Variants in ZNF254 observed in about 807,000 individuals in gnomAD.
ZNF254 encodes zinc finger protein 254.
A neutral mutation model predicts 12.4 loss-of-function variants in ZNF254; 10 were observed. The ratio of observed to expected loss-of-function variants is 0.80; its 90% CI spans 0.50 to 1.36. The LOEUF (loss-of-function observed/expected upper bound fraction) is 1.36, where lower values mean the gene tolerates loss of function less well. ZNF254 is among the 40% of genes most tolerant of loss of function. ZNF254 has a pLI of 0.00. For synonymous variants in ZNF254, 305 were observed against 253.4 expected (o/e 1.20, Z -1.93); for missense variants, 996 against 763.9 (o/e 1.30, Z -3.58).
chr19:24,092,324 C>A (rs1195209146), intron 1 of ZNF254, among the ~76,000 whole-genome samples: 2 of 151,676 alleles, frequency 1.3e-5, no homozygotes, highest in Admixed American at 6.6e-5. Flanking sequence ...CCACCACCAC[C>A]ATGCCCAGCT....
Position 24,109,422 on chromosome 19 carries a change from A to G in ZNF254, c.253+2779A>G, listed in dbSNP as rs1973530220. On this transcript the variant is annotated intron_variant, in intron 3 of 3. Transcript: ENST00000357002. ...GATTTTATGAGTAAACATTTCTTTC[A>G]TTATTATCTTCCAGTTCTATATTAG... Among the ~76,000 whole-genome samples the G allele has an allele frequency of 2.0e-5, 3 of 152,192 alleles. No individual in the cohort carries two copies. In the South Asian group the frequency reaches 6.2e-4, roughly 32 times the overall value.
chr19:24,108,257 G>A (rs1239546519), intron 3 of ZNF254, among the ~76,000 whole-genome samples: 1 of 152,168 alleles, frequency 6.6e-6, no homozygotes, highest in Non-Finnish European at 1.5e-5. Context: ...ATTTCTCCAG[G>A]CCTCTGGAAA....
In ZNF254 at chr19:24,107,859, A is replaced by G. The variant is rs1438703927; in HGVS notation, c.253+1216A>G. Among the ~76,000 whole-genome samples the G allele has an allele frequency of 2.0e-5, 3 of 152,154 alleles. No homozygotes were observed. In the East Asian group the frequency reaches 5.8e-4, roughly 29 times the overall value. On this transcript the variant is annotated intron_variant, in intron 3 of 3. Coordinates refer to ENST00000357002, the MANE Select transcript of ZNF254 (RefSeq NM_203282.4). ...AGAATGTCCTCTGGGTTTGTAGTGA[A>G]GAGGGGTTGTAGCTTGGCCTTAAGG...
At chr19:24,084,063 T>G (rs113628564), upstream of ZNF254, among the ~76,000 whole-genome samples, 1 of 151,086 alleles carries the variant, frequency 6.6e-6, no homozygotes, top group Admixed American at 6.6e-5. Context: ...CAATTTGCAA[T>G]TGCAAAAGAA....
At chr19:24,067,140 C>G (rs1451061055) in intron 2 of ZNF254, among the ~76,000 whole-genome samples, 3 of 151,734 alleles carry the variant, frequency 2.0e-5, no homozygotes, top group Non-Finnish European at 4.4e-5. Flanking sequence ...CATGTAAGAC[C>G]TTGTGACATA....
At chr19:24,075,236 TA>T (rs1431783779) in intron 2 of ZNF254, among the ~76,000 whole-genome samples, 1 of 152,132 alleles carries the variant, frequency 6.6e-6, no homozygotes, top group Non-Finnish European at 1.5e-5. Context: ...GGGTCTCACA[TA>T]TTTTGAGTAT....
At chr19:24,122,215 C>A (rs1459212780) in intron 3 of ZNF254, among the ~76,000 whole-genome samples, 2 of 151,932 alleles carry the variant, frequency 1.3e-5, no homozygotes, top group African/African-American at 4.8e-5. Context: ...TACTGACTAC[C>A]ACTTTTTTCT....
chr19:24,072,352 C>T (rs1469896673), intron 2 of ZNF254, among the ~76,000 whole-genome samples: 1 of 151,562 alleles, frequency 6.6e-6, no homozygotes, highest in Non-Finnish European at 1.5e-5. Flanking sequence ...TTGTATTTTT[C>T]GTAGAGATGG....
At position 24,129,943 on chromosome 19, in the gene ZNF254, A is replaced by G. The variant is rs1025524933; in HGVS notation, c.*1963A>G. 3.3e-5 allele frequency: 5 copies of G among 152,114 alleles called. No individual in the cohort carries two copies. Among genetic ancestry groups the G allele is most frequent in the African/African-American group, 1.2e-4 (5 of 41,448 alleles). The allele number at this position is 152,114 out of a possible 1,614,324, so 9.4% of individuals were successfully genotyped here. On this transcript the variant is annotated 3_prime_UTR_variant, in exon 4 of 4. Coordinates refer to ENST00000357002, the MANE Select transcript of ZNF254 (RefSeq NM_203282.4). Reference sequence around the variant, plus strand: ...ATAAAATTAAATATATACTTCTATTAAAGATAAACCTTAGGTGTAAATAAA... The same window carrying G: ...ATAAAATTAAATATATACTTCTATTGAAGATAAACCTTAGGTGTAAATAAA...
At chr19:24,048,208 A>T (rs62113751) in intron 2 of ZNF254, among the ~76,000 whole-genome samples, 24,045 of 151,536 alleles carry the variant, frequency 0.16, 2,074 homozygotes, top group Middle Eastern at 0.23. Context: ...GCCGCTGGCC[A>T]CACGTTTGGG....
At chr19:24,061,193 C>T (rs66763111) in intron 2 of ZNF254, among the ~76,000 whole-genome samples, 22,595 of 150,994 alleles carry the variant, frequency 0.15, 1,942 homozygotes, top group Middle Eastern at 0.23. Context: ...TCACATGGAC[C>T]GTGAGCATGG....
chr19:24,127,185 A>G lies in ZNF254; in HGVS notation c.1185A>G (p.Thr395=), dbSNP rs1198541196. The G allele has an allele frequency of 9.9e-6, 16 of 1,613,488 alleles. No homozygotes were observed. Among genetic ancestry groups the G allele is most frequent in the Admixed American group, 1.7e-5 (1 of 59,878 alleles). Residue 395 remains threonine, a synonymous_variant, in exon 4 of 4, where the codon ACA becomes ACG. Coordinates refer to ENST00000357002, the MANE Select transcript of ZNF254 (RefSeq NM_203282.4). ...TTAAGCAACTCTCAACTCTTACTAC[A>G]CATAAAATAATTCATGTTGGAGAGA... ...KAFKQLSTLT[T]HKIIHVGEKL...
intron 2 of ZNF254, among the ~76,000 whole-genome samples, chr19:24,060,304 C>A (rs1971018143): frequency 6.6e-6 from 1 of 152,174 alleles, no homozygotes; most frequent in African/African-American, 2.4e-5. Flanking sequence ...GTTTCAGCAC[C>A]AAGCTGATGT....
At chr19:24,034,067 C>T (rs1421406096) in intron 1 of ZNF254, among the ~76,000 whole-genome samples, 1 of 152,164 alleles carries the variant, frequency 6.6e-6, no homozygotes, top group African/African-American at 2.4e-5. Context: ...AAGCGATTCT[C>T]GTGCCTCAGC....
chr19:24,120,654 TTTGTTG>T (rs143574815), intron 3 of ZNF254, among the ~76,000 whole-genome samples: 17 of 151,370 alleles, frequency 1.1e-4, no homozygotes, highest in South Asian at 6.3e-4. Context: ...TTAGCATTTC[TTTGTTG>T]TTGTTGTTGT....
At chr19:24,124,663 T>C (rs1351601403) in intron 3 of ZNF254, among the ~76,000 whole-genome samples, 1 of 152,174 alleles carries the variant, frequency 6.6e-6, no homozygotes, top group Non-Finnish European at 1.5e-5. Flanking sequence ...ACAATTTTTG[T>C]CATGACTACA....
rs759484092 is a variant in ZNF254, at chr19:24,126,500, T to TAA, written c.502_503dup (p.Asn168LysfsTer8). On this transcript the variant is annotated frameshift_variant, in exon 4 of 4. Coordinates refer to ENST00000357002, the MANE Select transcript of ZNF254 (RefSeq NM_203282.4). LOFTEE classifies it low-confidence loss of function (END_TRUNC). ...TATTTGAAAGTCTTCTATAAATTTT[T>TAA]AAATTCAAACAGACCTAAGATAAGA... The TAA allele has an allele frequency of 2.1e-5, 34 of 1,587,928 alleles. No homozygotes were observed. The African/African-American group carries it at 3.7e-4, about 17-fold the overall frequency.
chr19:24,126,485 T>C lies in ZNF254; in HGVS notation c.485T>C (p.Val162Ala). ...TTTCAATGTGATAAATATTTGAAAG[T>C]CTTCTATAAATTTTTAAATTCAAAC... ...KVFQCDKYLK[V>A]FYKFLNSNRP... The change falls in exon 4 of 4, where the codon GTC becomes GCC. Residue 162 changes from valine to alanine, a missense_variant. Physicochemically the swap from Val to Ala is moderately conservative, Grantham distance 64 (BLOSUM62 0). Transcript: ENST00000357002. 6.3e-7 allele frequency: 1 copy of C among 1,587,512 alleles called. No homozygotes were observed. Among genetic ancestry groups the C allele is most frequent in the Non-Finnish European group, 8.5e-7 (1 of 1,171,606 alleles).
At chr19:24,109,904 T>G (rs963532192) in intron 3 of ZNF254, among the ~76,000 whole-genome samples, 2 of 151,466 alleles carry the variant, frequency 1.3e-5, no homozygotes, top group African/African-American at 4.8e-5. Context: ...TATTTTTTTT[T>G]TTTTTAGTAG....
Sources: gnomAD v4.1 joint callset for allele counts (sites outside exome capture counted in the v4.1 genomes callset) on GRCh38, gnomAD v4.1.1 for gene constraint, MANE v1.5 for transcripts, NCBI Gene and HGNC (gene_info 2026-07-23, HGNC 2026-07-21) for gene names.